EVI5: variants seen among roughly 807,000 people sequenced by gnomAD.
EVI5 encodes the protein ecotropic viral integration site 5, also known as ecotropic viral integration site 5 protein homolog.
Under a neutral mutation model 112.0 loss-of-function variants are expected in EVI5, and 73 were observed. The observed-to-expected ratio is 0.65, with a 90% CI of 0.54 to 0.79. EVI5 has a LOEUF of 0.79. Ranked by LOEUF, EVI5 falls within the 30% of genes least tolerant of loss-of-function variation. EVI5 has a pLI of 0.00. For missense variants in EVI5, 900 were observed against 968.8 expected, an observed-to-expected ratio of 0.93 and a Z score of 0.94; for synonymous variants, 305 against 319.9, an observed-to-expected ratio of 0.95 and a Z score of 0.50.
intron 14 of EVI5, among the ~76,000 whole-genome samples, chr1:92,631,237 G>A (rs906466615): frequency 1.3e-5 from 2 of 152,098 alleles, no homozygotes; most frequent in African/African-American, 2.4e-5. Flanking sequence ...GTAGCTTGAT[G>A]GGGATGGCAT....
At chr1:92,644,962 T>G (rs1660678263) in intron 13 of EVI5, among the ~76,000 whole-genome samples, 1 of 152,186 alleles carries the variant, frequency 6.6e-6, no homozygotes, top group Non-Finnish European at 1.5e-5. Flanking sequence ...TCCATGTATG[T>G]TTGAAAGGAT....
chr1:92,721,424 A>T (rs1558146381), intron 2 of EVI5, among the ~76,000 whole-genome samples: 1 of 152,216 alleles, frequency 6.6e-6, no homozygotes, highest in East Asian at 1.9e-4. Flanking sequence ...AACTATCATA[A>T]GGACTGAAAA....
rs1007325610 is a variant in EVI5 at position 92,748,835 on chromosome 1, T to G, written c.-81-12208A>C. Among the ~76,000 whole-genome samples the G allele has an allele frequency of 8.5e-5, 13 of 152,054 alleles. No individual in the cohort carries two copies. The South Asian group carries it at 1.5e-3, about 17-fold the overall frequency. ...TAATCCCAGCACTCTGGGAGGCCGA[T>G]GCGGGCAGATCACCTGAGGTCGGGA... On this transcript the variant is annotated intron_variant, in intron 1 of 19. Coordinates refer to ENST00000684568, the MANE Select transcript of EVI5 (RefSeq NM_001350197.2).
chr1:92,546,154 A>C (rs1665655099), intron 19 of EVI5, among the ~76,000 whole-genome samples: 4 of 152,142 alleles, frequency 2.6e-5, no homozygotes, highest in Non-Finnish European at 5.9e-5. Flanking sequence ...CTGCTTTGTG[A>C]TCAAGAAACT....
At chr1:92,784,299 G>A in intron 1 of EVI5, 1 of 985,316 alleles carries the variant, frequency 1.0e-6, no homozygotes, top group Non-Finnish European at 1.2e-6. Flanking sequence ...TAGTCATAAG[G>A]TGATTCAGGA....
intron 9 of EVI5, among the ~76,000 whole-genome samples, chr1:92,677,431 C>T (rs1023701984): frequency 1.3e-5 from 2 of 152,060 alleles, no homozygotes; most frequent in Non-Finnish European, 2.9e-5. Context: ...AAAAACCACA[C>T]AAAAAGAAAA....
intron 2 of EVI5, among the ~76,000 whole-genome samples, chr1:92,706,962 A>G (rs1310190763): frequency 6.6e-6 from 1 of 151,760 alleles, no homozygotes; most frequent in Non-Finnish European, 1.5e-5. Context: ...CGGGCGGATG[A>G]CCTGAGGTTG....
intron 18 of EVI5, among the ~76,000 whole-genome samples, chr1:92,605,010 G>C (rs188679063): frequency 1.3e-5 from 2 of 152,242 alleles, no homozygotes; most frequent in East Asian, 3.9e-4. Flanking sequence ...CAGTTGCTGG[G>C]GAATGGGAAG....
At chr1:92,691,018 T>C (rs1337541091) in intron 9 of EVI5, among the ~76,000 whole-genome samples, 2 of 152,164 alleles carry the variant, frequency 1.3e-5, no homozygotes, top group African/African-American at 2.4e-5. Flanking sequence ...GATGAATCCT[T>C]CAGGTTGGAT....
At chr1:92,664,738 ACTT>A (rs781265754) in intron 11 of EVI5, among the ~76,000 whole-genome samples, 3 of 152,210 alleles carry the variant, frequency 2.0e-5, no homozygotes, top group Non-Finnish European at 4.4e-5. Context: ...GTCCTTACGC[ACTT>A]CTATTTAATA....
At chr1:92,693,464 AGTG>A (rs1669810522) in intron 9 of EVI5, among the ~76,000 whole-genome samples, 1 of 152,208 alleles carries the variant, frequency 6.6e-6, no homozygotes, top group Non-Finnish European at 1.5e-5. Context: ...TTTGAACTTA[AGTG>A]ACACTGTGGG....
intron 18 of EVI5, among the ~76,000 whole-genome samples, chr1:92,596,295 G>A (rs1244859083): frequency 1.3e-5 from 2 of 152,148 alleles, no homozygotes; most frequent in East Asian, 3.8e-4. Flanking sequence ...GGGAGGTCGA[G>A]GTTACAATGA....
At chr1:92,627,809 A>G (rs1183262036) in intron 14 of EVI5, among the ~76,000 whole-genome samples, 1 of 149,938 alleles carries the variant, frequency 6.7e-6, no homozygotes, top group East Asian at 1.9e-4. Context: ...TTTTTTTTTG[A>G]AACGGAGTCT....
At chr1:92,748,731 C>T (rs910046039) in intron 1 of EVI5, among the ~76,000 whole-genome samples, 9 of 151,908 alleles carry the variant, frequency 5.9e-5, no homozygotes, top group African/African-American at 2.2e-4. Context: ...TTTCACTTGT[C>T]TATAGTGTGC....
intron 19 of EVI5, among the ~76,000 whole-genome samples, chr1:92,563,083 C>G (rs1325680277): frequency 6.6e-6 from 1 of 152,114 alleles, no homozygotes; most frequent in African/African-American, 2.4e-5. Flanking sequence ...TTAAATTACT[C>G]AGTATAGTAC....
chr1:92,630,925 A>T (rs1656910866), intron 14 of EVI5, among the ~76,000 whole-genome samples: 1 of 152,086 alleles, frequency 6.6e-6, no homozygotes, highest in South Asian at 2.1e-4. Flanking sequence ...TTAAATAGGG[A>T]ATCCTTTCCC....
chr1:92,701,037 T>G (rs1367359351), intron 5 of EVI5: 1 of 152,226 alleles, frequency 6.6e-6, no homozygotes, highest in Non-Finnish European at 1.5e-5. Context: ...CAATAACCAC[T>G]GGGAGCACTT....
At chr1:92,630,549 T>C (rs975929123) in intron 14 of EVI5, among the ~76,000 whole-genome samples, 4 of 152,034 alleles carry the variant, frequency 2.6e-5, no homozygotes, top group African/African-American at 9.7e-5. Flanking sequence ...TTTGAGTTCA[T>C]TGTAGATTCT....
chr1:92,785,057 A>G lies in EVI5; in HGVS notation c.-303T>C, dbSNP rs972068202. On this transcript the variant is annotated 5_prime_UTR_variant, in exon 1 of 20. Coordinates refer to ENST00000684568, the MANE Select transcript of EVI5 (RefSeq NM_001350197.2). ...TCGGAACTGCAGCCAGCCCCTTGCC[A>G]GCTGGCCAGCTGGTTCCTCCGGGGT... The G allele has an allele frequency of 3.3e-5, 33 of 985,250 alleles. No homozygotes were observed. The highest frequency in any genetic ancestry group is 3.9e-5 in the Non-Finnish European group (32 of 829,994). 61.0% of individuals were successfully genotyped at this position (985,250 alleles called of 1,614,324 possible). A position where few individuals can be genotyped will look rare whatever the true frequency, so the allele number is the denominator to read the frequency against.
Sources: gnomAD v4.1 joint callset for allele counts (sites outside exome capture counted in the v4.1 genomes callset) on GRCh38, gnomAD v4.1.1 for gene constraint, MANE v1.5 for transcripts, NCBI Gene and HGNC (gene_info 2026-07-23, HGNC 2026-07-21) for gene names.